SLC25A48: variants seen among roughly 807,000 people sequenced by gnomAD.
SLC25A48 encodes the protein CTC-321K16.1.
A neutral mutation model predicts 32.2 loss-of-function variants in SLC25A48; 29 were observed. The ratio of observed to expected loss-of-function variants is 0.90; its 90% CI spans 0.67 to 1.23. The LOEUF is 1.23. Among genes scored for constraint, SLC25A48 ranks in the 50% most tolerant of loss-of-function variants. The pLI, the probability that SLC25A48 is intolerant of heterozygous loss-of-function variation, is 0.00. For synonymous variants in SLC25A48, 164 were observed against 172.3 expected, an observed-to-expected ratio of 0.95 and a Z score of 0.38; for missense variants, 399 against 422.7, an observed-to-expected ratio of 0.94 and a Z score of 0.49.
chr5:135,879,646 A>C (rs1040101110), intron 6 of SLC25A48, among the ~76,000 whole-genome samples: 1 of 142,848 alleles, frequency 7.0e-6, no homozygotes, highest in Non-Finnish European at 1.6e-5. Flanking sequence ...GTGTGTGTAC[A>C]TGTGAGAGAA....
intron 3 of SLC25A48, among the ~76,000 whole-genome samples, chr5:135,696,696 C>T (rs1754274462): frequency 6.6e-6 from 1 of 152,186 alleles, no homozygotes; most frequent in Non-Finnish European, 1.5e-5. Context: ...CACATTGTCC[C>T]AGTTCCTATT....
At chr5:135,802,569 T>C (rs1757357868) in intron 3 of SLC25A48, among the ~76,000 whole-genome samples, 1 of 151,612 alleles carries the variant, frequency 6.6e-6, no homozygotes, top group African/African-American at 2.4e-5. Context: ...GTGTACACCC[T>C]GTGATATTAT....
At chr5:135,612,885 A>G (rs1752104548) in intron 1 of SLC25A48, among the ~76,000 whole-genome samples, 1 of 152,230 alleles carries the variant, frequency 6.6e-6, no homozygotes, top group Non-Finnish European at 1.5e-5. Context: ...TAAACATGTG[A>G]GCACATATAT....
At chr5:135,689,685 C>T (rs1580787169) in intron 3 of SLC25A48, among the ~76,000 whole-genome samples, 1 of 152,246 alleles carries the variant, frequency 6.6e-6, no homozygotes, top group East Asian at 1.9e-4. Context: ...GACTCATTTC[C>T]TTGTTGGTAA....
chr5:135,674,686 TG>T (rs1468595441), intron 3 of SLC25A48, among the ~76,000 whole-genome samples: 3 of 152,104 alleles, frequency 2.0e-5, no homozygotes, highest in African/African-American at 7.2e-5. Context: ...TCTTTCTTTA[TG>T]GCTGAATAGT....
At chr5:135,832,684 A>G (rs564528349), upstream of SLC25A48, among the ~76,000 whole-genome samples, 2 of 152,170 alleles carry the variant, frequency 1.3e-5, no homozygotes, top group Non-Finnish European at 2.9e-5. Flanking sequence ...ACTAGCACAG[A>G]CTGATGCTCA....
rs954095526 is a variant in SLC25A48 at position 135,776,278 on chromosome 5, G to A, written c.-520-36245G>A. ...TGTTCCTCATATCTGGGGGGTGGGG[G>A]GCAGAGAGAATAATATTACTTCCAT... On this transcript the variant is annotated intron_variant, in intron 3 of 10. Coordinates refer to the SLC25A48 transcript ENST00000646290. 4.8e-5 allele frequency among the ~76,000 whole-genome samples: 7 copies of A among 145,494 alleles called. No individual in the cohort carries two copies. In the East Asian group the frequency reaches 9.1e-4, roughly 19 times the overall value.
Position 135,874,018 on chromosome 5 carries a change from C to T in SLC25A48, c.680-3C>T. 1 of 1,532,260 alleles carries T rather than the reference C, an allele frequency of 6.5e-7. No homozygotes were observed. Among genetic ancestry groups the T allele is most frequent in the Middle Eastern group, 1.7e-4 (1 of 5,980 alleles). 94.9% of individuals were successfully genotyped at this position (1,532,260 alleles called of 1,614,324 possible). A position where few individuals can be genotyped will look rare whatever the true frequency, so the allele number is the denominator to read the frequency against. On this transcript the variant is annotated splice_region_variant and splice_polypyrimidine_tract_variant and intron_variant, in intron 5 of 7. Transcript: ENST00000681962. ...CCTGACACCTGTTTCTTTCTCTTTG[C>T]AGGAGCAATTTCTTGGGGGACAGCG...
At chr5:135,726,956 C>T (rs990840948) in intron 3 of SLC25A48, among the ~76,000 whole-genome samples, 9 of 152,052 alleles carry the variant, frequency 5.9e-5, no homozygotes, top group African/African-American at 1.9e-4. Context: ...TATAGATCCT[C>T]GGCAGCATTT....
chr5:135,887,375 C>T (rs1175343038), intron 7 of SLC25A48, among the ~76,000 whole-genome samples: 1 of 152,060 alleles, frequency 6.6e-6, no homozygotes. Context: ...CAGATAACAT[C>T]TTAGTGTTCT....
At chr5:135,811,038 C>G (rs1265227712) in intron 3 of SLC25A48, among the ~76,000 whole-genome samples, 1 of 152,174 alleles carries the variant, frequency 6.6e-6, no homozygotes, top group African/African-American at 2.4e-5. Context: ...GAACTCGGGA[C>G]TTCTTGCCTG....
intron 3 of SLC25A48, among the ~76,000 whole-genome samples, chr5:135,731,149 A>G (rs1327761728): frequency 3.3e-5 from 5 of 151,854 alleles, no homozygotes; most frequent in Non-Finnish European, 7.4e-5. Flanking sequence ...TGGGTAGGTA[A>G]TGGAAAATTA....
intron 3 of SLC25A48, among the ~76,000 whole-genome samples, chr5:135,807,062 A>G (rs1757479408): frequency 6.6e-6 from 1 of 150,680 alleles, no homozygotes; most frequent in African/African-American, 2.4e-5. Context: ...TATAAATATC[A>G]AATATTTTAT....
intron 3 of SLC25A48, among the ~76,000 whole-genome samples, chr5:135,681,123 T>A (rs1753887967): frequency 6.6e-6 from 1 of 152,130 alleles, no homozygotes; most frequent in Non-Finnish European, 1.5e-5. Context: ...GTGGCCGGGA[T>A]TACAGGCATG....
intron 1 of SLC25A48, among the ~76,000 whole-genome samples, chr5:135,605,281 C>T (rs1751907655): frequency 6.6e-6 from 1 of 152,214 alleles, no homozygotes; most frequent in African/African-American, 2.4e-5. Context: ...AGCCCCTATT[C>T]CCATTATGAG....
At chr5:135,844,639 G>A (rs1346479992) in intron 2 of SLC25A48, among the ~76,000 whole-genome samples, 1 of 152,108 alleles carries the variant, frequency 6.6e-6, no homozygotes, top group Non-Finnish European at 1.5e-5. Flanking sequence ...TACCTAGCAG[G>A]GATTCAAAAT....
intron 7 of SLC25A48, among the ~76,000 whole-genome samples, chr5:135,881,379 CA>C (rs1762463431): frequency 6.6e-6 from 1 of 152,232 alleles, no homozygotes; most frequent in Non-Finnish European, 1.5e-5. Flanking sequence ...AGAACCTGGA[CA>C]AAGGGAGGGG....
chr5:135,838,079 G>A (rs138882303), intron 1 of SLC25A48, among the ~76,000 whole-genome samples: 7 of 152,214 alleles, frequency 4.6e-5, no homozygotes, highest in African/African-American at 7.2e-5. Context: ...TGAAGTCCTG[G>A]TTGTGATGGT....
chr5:135,726,051 A>G (rs1561464928), intron 3 of SLC25A48, among the ~76,000 whole-genome samples: 1 of 152,130 alleles, frequency 6.6e-6, no homozygotes, highest in South Asian at 2.1e-4. Context: ...CCGTGAAGAG[A>G]CAGTGTAACT....
Sources: gnomAD v4.1 joint callset for allele counts (sites outside exome capture counted in the v4.1 genomes callset) on GRCh38, gnomAD v4.1.1 for gene constraint, MANE v1.5 for transcripts, NCBI Gene and HGNC (gene_info 2026-07-23, HGNC 2026-07-21) for gene names.